ERBB4: variants seen among roughly 807,000 people sequenced by gnomAD.
ERBB4 encodes erb-b2 receptor tyrosine kinase 4.
ERBB4 carries 42 observed loss-of-function variants against 158.0 expected under a neutral mutation model. That is an observed-to-expected ratio of 0.27 (90% CI 0.21 to 0.34). ERBB4 has a LOEUF of 0.34. Ranked by LOEUF, ERBB4 falls within the 10% of genes least tolerant of loss-of-function variation. ERBB4 has a pLI of 1.00. For missense variants in ERBB4, 1,333 were observed against 1,624.1 expected, an observed-to-expected ratio of 0.82 and a Z score of 3.08; for synonymous variants, 583 against 558.7, an observed-to-expected ratio of 1.04 and a Z score of -0.61.
At chr2:212,055,966 G>A (rs1388272380) in intron 2 of ERBB4, among the ~76,000 whole-genome samples, 1 of 152,152 alleles carries the variant, frequency 6.6e-6, no homozygotes, top group East Asian at 1.9e-4. Context: ...GGCTTCAGAA[G>A]ATCAAACTTC....
chr2:211,418,665 G>A (rs1396803010), intron 25 of ERBB4, among the ~76,000 whole-genome samples: 1 of 151,986 alleles, frequency 6.6e-6, no homozygotes, highest in East Asian at 1.9e-4. Context: ...AGCATTGCAA[G>A]CTAAGAAAGA....
intron 4 of ERBB4, among the ~76,000 whole-genome samples, chr2:211,784,801 G>A (rs1293156271): frequency 1.3e-5 from 2 of 152,028 alleles, no homozygotes; most frequent in Admixed American, 6.6e-5. Flanking sequence ...ATAAGTGGGA[G>A]ACAATATCTT....
chr2:211,578,335 T>A (rs959687337), intron 19 of ERBB4, among the ~76,000 whole-genome samples: 6 of 152,196 alleles, frequency 3.9e-5, no homozygotes, highest in African/African-American at 1.4e-4. Context: ...TATTCCATGT[T>A]CCTGAATAGG....
chr2:211,461,480 T>C (rs2064528965), intron 20 of ERBB4, among the ~76,000 whole-genome samples: 1 of 152,172 alleles, frequency 6.6e-6, no homozygotes, highest in African/African-American at 2.4e-5. Flanking sequence ...AGTTTCCTCT[T>C]CCTTTTTTGT....
chr2:212,121,293 G>A (rs2079740588), intron 2 of ERBB4, among the ~76,000 whole-genome samples: 2 of 152,264 alleles, frequency 1.3e-5, no homozygotes, highest in Admixed American at 1.3e-4. Context: ...GTGCAGTGGT[G>A]TGATCTCAGC....
At chr2:211,413,335 C>CACACACACACACACAG (rs2063309386) in intron 25 of ERBB4, among the ~76,000 whole-genome samples, 1 of 106,242 alleles carries the variant, frequency 9.4e-6, no homozygotes, top group African/African-American at 3.2e-5. Flanking sequence ...CACACACACA[C>CACACACACACACACAG]ACACACACAC....
At chr2:212,436,975 A>G (rs913416376) in intron 1 of ERBB4, among the ~76,000 whole-genome samples, 3 of 152,148 alleles carry the variant, frequency 2.0e-5, no homozygotes, top group African/African-American at 7.2e-5. Context: ...TAGGTAAACC[A>G]GAGGATTTTA....
intron 5 of ERBB4, among the ~76,000 whole-genome samples, chr2:211,738,840 C>T (rs1336717778): frequency 6.7e-6 from 1 of 149,692 alleles, no homozygotes; most frequent in African/African-American, 2.5e-5. Flanking sequence ...CTATTTTTTG[C>T]ATTTTTAGTA....
At chr2:211,842,447 T>C (rs1186370981) in intron 3 of ERBB4, among the ~76,000 whole-genome samples, 1 of 129,872 alleles carries the variant, frequency 7.7e-6, no homozygotes, top group African/African-American at 2.6e-5. Context: ...TTCTGGAAAA[T>C]GTATTTTCAA....
At chr2:212,062,531 C>T (rs1351783569) in intron 2 of ERBB4, among the ~76,000 whole-genome samples, 1 of 149,338 alleles carries the variant, frequency 6.7e-6, no homozygotes, top group African/African-American at 2.5e-5. Context: ...CTTCAGCCTC[C>T]CGAGTAGCTG....
rs1251964240 is a variant in ERBB4 at position 211,835,575 on chromosome 2, GTAA to G, written c.422-47419_422-47417del. On this transcript the variant is annotated intron_variant, in intron 3 of 27. Coordinates refer to ENST00000342788, the MANE Select transcript of ERBB4 (RefSeq NM_005235.3). ...TATAATCAATATGAAGTCACATTCA[GTAA>G]ATAGAGTCATGGTTAATTTGAAGCA... is the stretch of plus-strand genomic sequence containing the variant. Among the ~76,000 whole-genome samples, 155 of 152,140 alleles carry G rather than the reference GTAA, an allele frequency of 1.0e-3. 1 individual carries two copies. The highest frequency in any genetic ancestry group is 3.7e-3 in the African/African-American group (154 of 41,540).
chr2:211,589,853 A>G (rs2068407637), intron 19 of ERBB4, among the ~76,000 whole-genome samples: 1 of 152,150 alleles, frequency 6.6e-6, no homozygotes, highest in Admixed American at 6.6e-5. Flanking sequence ...TCTATGTCCA[A>G]TTATGAGAGA....
chr2:211,958,231 T>TTA (rs2081084326), intron 2 of ERBB4, among the ~76,000 whole-genome samples: 1 of 152,150 alleles, frequency 6.6e-6, no homozygotes, highest in South Asian at 2.1e-4. Context: ...CAAGGTCTGA[T>TTA]GTTACTTATG....
chr2:212,172,941 T>C (rs970129966), intron 1 of ERBB4, among the ~76,000 whole-genome samples: 2 of 152,078 alleles, frequency 1.3e-5, no homozygotes, highest in African/African-American at 2.4e-5. Flanking sequence ...CTGAACTTAG[T>C]TGGAAATTTT....
chr2:211,706,225 C>CT (rs1001575092), intron 9 of ERBB4, among the ~76,000 whole-genome samples: 9 of 152,186 alleles, frequency 5.9e-5, no homozygotes, highest in African/African-American at 2.2e-4. Context: ...TGATCTTAGG[C>CT]TTTTTTAGAA....
chr2:211,808,042 T>C (rs1417242844), intron 3 of ERBB4, among the ~76,000 whole-genome samples: 1 of 152,226 alleles, frequency 6.6e-6, no homozygotes, highest in Non-Finnish European at 1.5e-5. Context: ...GTCAGATGGA[T>C]AGATTGTAAA....
At chr2:211,743,930 A>G (rs1028406708) in intron 5 of ERBB4, among the ~76,000 whole-genome samples, 3 of 152,220 alleles carry the variant, frequency 2.0e-5, no homozygotes, top group African/African-American at 2.4e-5. Context: ...TTATAGGGTC[A>G]TGGTGCTCTA....
intron 3 of ERBB4, among the ~76,000 whole-genome samples, chr2:211,848,442 C>A (rs55958161): frequency 0.035 from 5,358 of 152,100 alleles, 359 homozygotes; most frequent in African/African-American, 0.12. Context: ...TAAAATGACA[C>A]AAGTCCATTG....
chr2:211,862,832 G>A (rs1022421045), intron 3 of ERBB4, among the ~76,000 whole-genome samples: 6 of 152,316 alleles, frequency 3.9e-5, no homozygotes, highest in African/African-American at 1.2e-4. Flanking sequence ...AAGCCAGTTG[G>A]ACTTCCTGGG....
Sources: allele counts gnomAD v4.1 joint callset (sites outside exome capture counted in the v4.1 genomes callset), GRCh38; gene constraint gnomAD v4.1.1; transcripts MANE v1.5; gene names NCBI Gene and HGNC (gene_info 2026-07-23, HGNC 2026-07-21).